Variants in VPS13C observed in about 807,000 individuals in gnomAD.
The protein encoded by VPS13C is intermembrane lipid transfer protein VPS13C.
A neutral mutation model predicts 456.8 loss-of-function variants in VPS13C; 358 were observed. The ratio of observed to expected loss-of-function variants is 0.78; its 90% CI spans 0.72 to 0.86. The LOEUF is 0.86. VPS13C is among the 40% of genes least tolerant of loss of function. The pLI is 0.00. For synonymous variants in VPS13C, 1,578 were observed against 1,486.7 expected, an observed-to-expected ratio of 1.06 and a Z score of -1.41; for missense variants, 4,818 against 4,385.4, an observed-to-expected ratio of 1.10 and a Z score of -2.79.
At chr15:61,974,224 T>G in intron 25 of VPS13C, 64 bp downstream of exon 25, 1 of 1,454,784 alleles carries the variant, frequency 6.9e-7, no homozygotes, top group Non-Finnish European at 9.1e-7. Flanking sequence ...GCCCTGAAAC[T>G]GACTTTTCAT....
intron 84 of VPS13C, 151 bp from the exon 85 acceptor site, chr15:61,854,709 A>T: frequency 9.8e-7 from 1 of 1,015,822 alleles, no homozygotes; most frequent in Non-Finnish European, 1.5e-6. Context: ...TATAAAAATA[A>T]GACCCTTGCA....
chr15:61,875,824 G>A lies in VPS13C; in HGVS notation c.10246C>T (p.Leu3416Phe), dbSNP rs1303781577. Reference protein sequence around the residue: ...SEQFLKQMYVLVLGLDVLGNP... With the variant: ...SEQFLKQMYVFVLGLDVLGNP... The stretch of plus-strand genomic sequence containing the variant: ...CCAAGTACATCTAACCCCAATACAA[G>A]GACATACATCTGTTTCAAGAACTAA... The change falls in exon 76 of 85, where the codon CTT (leucine) becomes TTT (phenylalanine). Residue 3416 changes from leucine (L) to phenylalanine (F), a missense_variant. Leu to Phe is a conservative substitution (Grantham distance 22, BLOSUM62 0). This residue lies in a region of VPS13C where 4,552 missense variants were observed against 4,130.6 expected (regional missense o/e 1.10). Coordinates refer to ENST00000644861, the MANE Select transcript of VPS13C (RefSeq NM_020821.3). 38 of 1,595,818 alleles carry A rather than the reference G, an allele frequency of 2.4e-5. No homozygotes were observed. The highest frequency in any genetic ancestry group is 3.2e-5 in the Non-Finnish European group (37 of 1,174,014).
intron 9 of VPS13C, 147 bp from the exon 10 acceptor site, chr15:62,014,139 A>T (rs927448926): frequency 1.2e-5 from 6 of 496,358 alleles, no homozygotes; most frequent in African/African-American, 6.0e-5. Context: ...CTTTACATAT[A>T]TTTATAAGAC....
intron 8 of VPS13C, among the ~76,000 whole-genome samples, chr15:62,021,327 G>A (rs1008237953): frequency 2.6e-5 from 4 of 151,842 alleles, no homozygotes; most frequent in Admixed American, 6.6e-5. Flanking sequence ...TTGGAAATAT[G>A]AACTATCTCT....
intron 1 of VPS13C, among the ~76,000 whole-genome samples, chr15:62,049,375 G>T (rs1170647771): frequency 6.6e-6 from 1 of 152,162 alleles, no homozygotes; most frequent in African/African-American, 2.4e-5. Context: ...TTTCCCCATT[G>T]CTTGTTTTTC....
intron 2 of VPS13C, among the ~76,000 whole-genome samples, chr15:62,043,519 T>C (rs548270069): frequency 1.2e-4 from 18 of 152,216 alleles, no homozygotes; most frequent in Non-Finnish European, 1.8e-4. Flanking sequence ...GGCAGAAGAA[T>C]TGCTTGAACC....
At chr15:61,983,049 T>A (rs1261476236) in intron 20 of VPS13C, among the ~76,000 whole-genome samples, 1 of 152,208 alleles carries the variant, frequency 6.6e-6, no homozygotes, top group Non-Finnish European at 1.5e-5. Context: ...ACCATGTGAA[T>A]GTACTTAACA....
At position 61,961,796 on chromosome 15, in the gene VPS13C, TG is replaced by T. The variant is rs762663670; in HGVS notation, c.3700del (p.Gln1234ArgfsTer12). 6.2e-7 allele frequency: 1 copy of T among 1,614,050 alleles called. No homozygotes were observed. Among genetic ancestry groups the T allele is most frequent in the East Asian group, 2.2e-5 (1 of 44,862 alleles). ...ATTGATGGAAACACGAAAACTCCTCTGGGCAAGATCTTTCACACTTGTGGCA... is the reference window on the plus strand; with the variant it reads ...ATTGATGGAAACACGAAAACTCCTCTGGCAAGATCTTTCACACTTGTGGCA... Reference protein sequence around the residue: ...RAATSVKDLAQRSFRVSINID... With the variant: ...RAATSVKDLAXRSFRVSINID... On this transcript the variant is annotated frameshift_variant, in exon 35 of 85. Transcript: ENST00000644861. LOFTEE classifies it high-confidence loss of function.
At chr15:61,900,281 G>A (rs1242193173) in intron 66 of VPS13C, among the ~76,000 whole-genome samples, 1 of 152,098 alleles carries the variant, frequency 6.6e-6, no homozygotes, top group Admixed American at 6.5e-5. Context: ...GGCAGGAGAA[G>A]GAACTAAAGG....
intron 37 of VPS13C, among the ~76,000 whole-genome samples, chr15:61,956,607 A>G (rs994603723): frequency 1.3e-5 from 2 of 152,162 alleles, no homozygotes; most frequent in African/African-American, 4.8e-5. Context: ...CTACATATCA[A>G]TAAGAAAAAA....
intron 28 of VPS13C, among the ~76,000 whole-genome samples, chr15:61,967,912 T>C (rs1567056891): frequency 6.6e-6 from 1 of 152,024 alleles, no homozygotes; most frequent in African/African-American, 2.4e-5. Context: ...CTCCAAAAGC[T>C]GTGGAAGGAG....
intron 5 of VPS13C, among the ~76,000 whole-genome samples, chr15:62,030,212 A>G (rs1403466079): frequency 1.3e-5 from 2 of 152,196 alleles, no homozygotes; most frequent in African/African-American, 2.4e-5. Context: ...GACTAAGCAA[A>G]TAAGAAAGCA....
intron 15 of VPS13C, among the ~76,000 whole-genome samples, chr15:62,002,237 T>A (rs1020274792): frequency 2.0e-5 from 3 of 152,232 alleles, no homozygotes; most frequent in African/African-American, 7.2e-5. Flanking sequence ...GGTATCTCAT[T>A]GTGGTTTTGA....
At chr15:62,020,918 A>G (rs1030201136) in intron 8 of VPS13C, among the ~76,000 whole-genome samples, 5 of 152,020 alleles carry the variant, frequency 3.3e-5, no homozygotes, top group African/African-American at 1.2e-4. Context: ...AATCATTTTA[A>G]TAACACTTAG....
At position 61,867,431 on chromosome 15, in the gene VPS13C, AATT is replaced by A; in HGVS notation, c.10863+1225_10863+1227del. ...GCAGGCTCAGAGCAACTGACAATTC[AATT>A]ATTAAAGCAGATGCTCCAGGTAATA... On this transcript the variant is annotated intron_variant, in intron 81 of 84. Transcript: ENST00000644861. This position sits in a 1 kb window ranked among gnomAD's most constrained non-coding sequence, Gnocchi z 5.0. The A allele has an allele frequency of 2.0e-6, 2 of 986,418 alleles. No individual in the cohort carries two copies. Among genetic ancestry groups the A allele is most frequent in the Non-Finnish European group, 2.4e-6 (2 of 830,662 alleles). The allele number at this position is 986,418 out of a possible 1,614,324, so 61.1% of individuals were successfully genotyped here.
chr15:61,881,726 T>C lies in VPS13C; in HGVS notation c.9706+21A>G, dbSNP rs756763232. On this transcript the variant is annotated intron_variant, in intron 70 of 84. Transcript: ENST00000644861. ...CTTTTATAAATAAGGTATATCTATG[T>C]CACAACTTATTTTATTTTACCTGAA... is the stretch of plus-strand genomic sequence containing the variant. The C allele has an allele frequency of 1.2e-5, 19 of 1,606,634 alleles. No individual in the cohort carries two copies. In the South Asian group the frequency reaches 2.1e-4, roughly 18 times the overall value.
intron 30 of VPS13C, among the ~76,000 whole-genome samples, chr15:61,965,311 A>T (rs999000584): frequency 6.6e-6 from 1 of 151,936 alleles, no homozygotes; most frequent in African/African-American, 2.4e-5. Flanking sequence ...AAGGACAATT[A>T]TGAATGGGTT....
intron 52 of VPS13C, 54 bp from the exon 53 acceptor site, chr15:61,925,602 A>G (rs1053580324): frequency 8.2e-7 from 1 of 1,212,990 alleles, no homozygotes; most frequent in Non-Finnish European, 1.1e-6. Flanking sequence ...TATACATAAC[A>G]CACACTTACA....
intron 45 of VPS13C, 83 bp from the exon 46 acceptor site, chr15:61,942,150 C>A: frequency 8.0e-7 from 1 of 1,247,344 alleles, no homozygotes; most frequent in South Asian, 1.7e-5. Context: ...ACTTTAAAAA[C>A]TAAATAAAAA....
Sources: gnomAD v4.1 joint callset for allele counts (sites outside exome capture counted in the v4.1 genomes callset) on GRCh38, gnomAD v4.1.1 for gene constraint, gnomAD v4.1.1 regional missense constraint, Gnocchi (gnomAD v3.1) non-coding constraint, MANE v1.5 for transcripts, NCBI Gene and HGNC (gene_info 2026-07-23, HGNC 2026-07-21) for gene names.